The following SPAG9 variants were observed in gnomAD, a reference collection of about 807,000 sequenced individuals.
The protein encoded by SPAG9 is sperm associated antigen 9.
Under a neutral mutation model 166.5 loss-of-function variants are expected in SPAG9, and 35 were observed. The ratio of observed to expected loss-of-function variants is 0.21; its 90% CI spans 0.16 to 0.28. The LOEUF (loss-of-function observed/expected upper bound fraction) is 0.28, where lower values mean the gene tolerates loss of function less well. Among genes scored for constraint, SPAG9 ranks in the 10% least tolerant of loss-of-function variants. The pLI is 1.00. For missense variants in SPAG9, 1,235 were observed against 1,603.3 expected (o/e 0.77, Z 3.92); for synonymous variants, 534 against 565.5 (o/e 0.94, Z 0.79).
At chr17:51,093,556 G>C (rs1337687662) in intron 1 of SPAG9, among the ~76,000 whole-genome samples, 1 of 151,778 alleles carries the variant, frequency 6.6e-6, no homozygotes, top group Non-Finnish European at 1.5e-5. Flanking sequence ...TCAGCCAGGC[G>C]TGGTGGCGGG....
intron 5 of SPAG9, among the ~76,000 whole-genome samples, chr17:51,035,214 GTGGAAAAAC>G (rs1161410157): frequency 6.6e-6 from 1 of 152,122 alleles, no homozygotes; most frequent in African/African-American, 2.4e-5. Context: ...AAGGATATTA[GTGGAAAAAC>G]TGGTAAAACT....
chr17:51,026,713 T>C (rs1186044323), intron 6 of SPAG9, among the ~76,000 whole-genome samples: 1 of 150,570 alleles, frequency 6.6e-6, no homozygotes, highest in Non-Finnish European at 1.5e-5. Context: ...TTCGCTCTTG[T>C]TGCCCCAGGC....
chr17:51,099,775 A>AAC (rs2048751811), intron 1 of SPAG9, among the ~76,000 whole-genome samples: 1 of 149,978 alleles, frequency 6.7e-6, no homozygotes. Flanking sequence ...AAAAAAAAAA[A>AAC]AAAAAAAAAA....
chr17:51,072,391 C>CA (rs749729856), intron 2 of SPAG9, among the ~76,000 whole-genome samples: 1 of 146,414 alleles, frequency 6.8e-6, no homozygotes, highest in Non-Finnish European at 1.5e-5. Context: ...ATTTAAAAAA[C>CA]AAAAAATCAG....
At chr17:50,970,888 C>A in intron 28 of SPAG9, 32 bp from the exon 29 acceptor site, 1 of 1,575,342 alleles carries the variant, frequency 6.3e-7, no homozygotes, top group Non-Finnish European at 8.7e-7. Context: ...GTGAATATTA[C>A]TTATCACAGA....
At chr17:51,006,834 C>T (rs111484244) in intron 10 of SPAG9, among the ~76,000 whole-genome samples, 3 of 152,180 alleles carry the variant, frequency 2.0e-5, no homozygotes, top group African/African-American at 7.2e-5. Flanking sequence ...AAATTGCACC[C>T]AAGAATGCAC....
At chr17:51,045,588 T>C (rs989127229) in intron 4 of SPAG9, among the ~76,000 whole-genome samples, 1 of 152,066 alleles carries the variant, frequency 6.6e-6, no homozygotes, top group African/African-American at 2.4e-5. Flanking sequence ...AATTAGGGTT[T>C]AAATATTTTA....
At chr17:51,010,153 C>T (rs992555246) in intron 9 of SPAG9, among the ~76,000 whole-genome samples, 2 of 152,084 alleles carry the variant, frequency 1.3e-5, no homozygotes, top group African/African-American at 2.4e-5. Context: ...AGATGAGCTT[C>T]AGAGTTATAT....
rs767815802 is a variant in SPAG9 at position 50,998,585 on chromosome 17, GTGT to G, written c.1694_1696del (p.Asn565del). ...AACAGGTGGTTCAGGCTTCTTAGTCGTGTTACTTGAGGAGCTGAAAAGTCGGCT... is the reference window on the plus strand; with the variant it reads ...AACAGGTGGTTCAGGCTTCTTAGTCGTACTTGAGGAGCTGAAAAGTCGGCT... On this transcript the variant is annotated inframe_deletion, in exon 15 of 30. Transcript: ENST00000262013. 6.2e-7 allele frequency: 1 copy of G among 1,614,108 alleles called. No individual in the cohort carries two copies. Among genetic ancestry groups the G allele is most frequent in the South Asian group, 1.1e-5 (1 of 91,084 alleles).
At chr17:51,061,638 G>C (rs578181218) in intron 2 of SPAG9, among the ~76,000 whole-genome samples, 12 of 77,812 alleles carry the variant, frequency 1.5e-4, no homozygotes, top group Non-Finnish European at 3.0e-4. Context: ...AAAAAAAAAA[G>C]GCTTGTGGGA....
intron 1 of SPAG9, among the ~76,000 whole-genome samples, chr17:51,087,839 G>A (rs781157522): frequency 3.4e-4 from 51 of 152,138 alleles, no homozygotes; most frequent in Admixed American, 1.1e-3. Context: ...GGGCTCAAGC[G>A]ATCCTCCCAC....
intron 5 of SPAG9, among the ~76,000 whole-genome samples, chr17:51,035,400 A>G (rs564193571): frequency 2.1e-4 from 32 of 152,348 alleles, no homozygotes; most frequent in African/African-American, 7.7e-4. Context: ...AAAGTTATTT[A>G]AAACTGCGAA....
Position 50,963,348 on chromosome 17 carries a change from C to G in SPAG9, c.*2924G>C, listed in dbSNP as rs1047468810. 3 of 152,120 alleles carry G rather than the reference C, an allele frequency of 2.0e-5. No individual in the cohort carries two copies. Among genetic ancestry groups the G allele is most frequent in the Non-Finnish European group, 4.4e-5 (3 of 68,026 alleles). 9.4% of individuals were successfully genotyped at this position (152,120 alleles called of 1,614,324 possible). On this transcript the variant is annotated 3_prime_UTR_variant, in exon 30 of 30. Coordinates refer to ENST00000262013, the MANE Select transcript of SPAG9 (RefSeq NM_001130528.3). The stretch of plus-strand genomic sequence containing the variant: ...TGGCATTTTCTTCCAAAAATTACCA[C>G]GTTGACCAAAGTAAACATTACAAGA...
Position 51,047,435 on chromosome 17 carries a change from G to T in SPAG9, c.530C>A (p.Thr177Lys). 6.3e-7 allele frequency: 1 copy of T among 1,585,192 alleles called. No individual in the cohort carries two copies. Among genetic ancestry groups the T allele is most frequent in the Admixed American group, 1.7e-5 (1 of 57,642 alleles). ...ACTCCCTGAGAGCTGATGAAGTTTTGTTCTTTCTAAATGTTCCATATAATT... is the reference window on the plus strand; with the variant it reads ...ACTCCCTGAGAGCTGATGAAGTTTTTTTCTTTCTAAATGTTCCATATAATT... ...IHNYMEHLERTKLHQLSGSDQ... is the reference protein window; with the variant it reads ...IHNYMEHLERKKLHQLSGSDQ... The change falls in exon 4 of 30, where the codon ACA becomes AAA. Residue 177 changes from threonine (T) to lysine (K), a missense_variant. Physicochemically the swap from Thr to Lys is moderately conservative, Grantham distance 78. Around this residue, in one of 6 missense-constraint regions of SPAG9, gnomAD observed 288 missense variants for 323.7 expected, o/e 0.89. Coordinates refer to ENST00000262013, the MANE Select transcript of SPAG9 (RefSeq NM_001130528.3).
chr17:51,077,117 T>G lies in SPAG9; in HGVS notation c.424+2467A>C, dbSNP rs188334164. Among the ~76,000 whole-genome samples, 762 of 131,374 alleles carry G rather than the reference T, an allele frequency of 5.8e-3. 2 individuals carry two copies. Among genetic ancestry groups the G allele is most frequent in the South Asian group, 0.01 (44 of 4,228 alleles). The allele number at this position is 131,374 out of a possible 152,430, so 86.2% of individuals were successfully genotyped here. A position where few individuals can be genotyped will look rare whatever the true frequency, so the allele number is the denominator to read the frequency against. On this transcript the variant is annotated intron_variant, in intron 2 of 29. Transcript: ENST00000262013. ...ATCTATCTAGCTAGCTATCTAGCTA[T>G]CTAGCTAGCTATCTATCTATTTCTT...
chr17:51,070,828 A>C (rs1598124130), intron 2 of SPAG9, among the ~76,000 whole-genome samples: 1 of 152,182 alleles, frequency 6.6e-6, no homozygotes, highest in East Asian at 1.9e-4. Context: ...AATTCTCATT[A>C]GAGGAAAAAA....
intron 13 of SPAG9, among the ~76,000 whole-genome samples, chr17:51,001,118 T>C (rs1432966782): frequency 1.3e-5 from 2 of 152,238 alleles, no homozygotes; most frequent in Non-Finnish European, 2.9e-5. Context: ...ATACTATTAT[T>C]GGTAAATCTG....
chr17:51,045,815 C>G (rs1004115844), intron 4 of SPAG9, among the ~76,000 whole-genome samples: 16 of 152,078 alleles, frequency 1.1e-4, no homozygotes, highest in African/African-American at 3.9e-4. Context: ...ACTACCCCCA[C>G]AAGCAGGCAT....
intron 6 of SPAG9, among the ~76,000 whole-genome samples, chr17:51,023,148 A>G (rs2046008268): frequency 1.3e-5 from 2 of 148,402 alleles, no homozygotes; most frequent in Admixed American, 1.3e-4. Flanking sequence ...AATGTGTTTC[A>G]CACATACTAA....
Sources: gnomAD v4.1 joint callset for allele counts (sites outside exome capture counted in the v4.1 genomes callset) on GRCh38, gnomAD v4.1.1 for gene constraint, gnomAD v4.1.1 regional missense constraint, MANE v1.5 for transcripts, NCBI Gene and HGNC (gene_info 2026-07-23, HGNC 2026-07-21) for gene names.